Variants in CDH4 observed in about 807,000 individuals in gnomAD.
The protein encoded by CDH4 is cadherin-4.
In CDH4, 33 loss-of-function variants were observed where a neutral mutation model predicts 86.0. The observed-to-expected ratio is 0.38, with a 90% CI of 0.29 to 0.51. CDH4 has a LOEUF of 0.51. Ranked by LOEUF, CDH4 falls within the 20% of genes least tolerant of loss-of-function variation. The probability of loss-of-function intolerance (pLI) is 0.86; values close to 1 mark genes in which losing one functional copy is unlikely to be tolerated. For missense variants in CDH4, 1,114 were observed against 1,307.4 expected (o/e 0.85, Z 2.28); for synonymous variants, 555 against 549.4 (o/e 1.01, Z -0.14).
chr20:61,814,170 G>A (rs1418796), intron 4 of CDH4, among the ~76,000 whole-genome samples: 87,288 of 152,120 alleles, frequency 0.57, 26,647 homozygotes, highest in African/African-American at 0.8. Flanking sequence ...TCTGTGGAAC[G>A]GGGACAGGAA....
chr20:61,787,354 C>A (rs140434398), intron 4 of CDH4, among the ~76,000 whole-genome samples: 1 of 152,110 alleles, frequency 6.6e-6, no homozygotes, highest in Admixed American at 6.5e-5. Flanking sequence ...GCAAATATGC[C>A]CTTCTTCACA....
At chr20:61,414,960 G>C in intron 2 of CDH4, among the ~76,000 whole-genome samples, 1 of 152,244 alleles carries the variant, frequency 6.6e-6, no homozygotes, top group African/African-American at 2.4e-5. Flanking sequence ...GAGGTCAGGA[G>C]GCTGATGGAT....
chr20:61,690,518 G>A (rs2087641769), intron 2 of CDH4, among the ~76,000 whole-genome samples: 1 of 152,122 alleles, frequency 6.6e-6, no homozygotes, highest in Admixed American at 6.5e-5. Context: ...CCAATCGGCT[G>A]CCCACTTAGT....
rs951656205 is a variant in CDH4 at position 61,811,177 on chromosome 20, G to GA, written c.577-33481dup. 3.5e-3 allele frequency among the ~76,000 whole-genome samples: 525 copies of GA among 149,398 alleles called. 2 individuals carry two copies. Among genetic ancestry groups the GA allele is most frequent in the African/African-American group, 0.012 (481 of 40,904 alleles). On this transcript the variant is annotated intron_variant, in intron 4 of 15. Coordinates refer to ENST00000614565, the MANE Select transcript of CDH4 (RefSeq NM_001794.5). This position sits in a 1 kb window ranked among gnomAD's most constrained non-coding sequence, Gnocchi z 4.4. ...AACCAAACATCCCCAAACTCTTAGA[G>GA]AAAAAAAAAATGCAATCCCTGCTGA...
At chr20:61,571,741 T>C in intron 2 of CDH4, among the ~76,000 whole-genome samples, 1 of 148,206 alleles carries the variant, frequency 6.7e-6, no homozygotes, top group East Asian at 2.1e-4. Context: ...CCCCTCCCCT[T>C]CTCACTCTTT....
intron 2 of CDH4, among the ~76,000 whole-genome samples, chr20:61,707,440 G>T (rs958725342): frequency 6.6e-6 from 1 of 152,232 alleles, no homozygotes; most frequent in African/African-American, 2.4e-5. Context: ...AGCCCCACTG[G>T]CTATGTCCTC....
At chr20:61,465,773 G>A (rs913383301) in intron 2 of CDH4, among the ~76,000 whole-genome samples, 7 of 151,880 alleles carry the variant, frequency 4.6e-5, no homozygotes, top group Admixed American at 2.6e-4. Context: ...TTTCAATTTT[G>A]ACCCTATGGA....
At chr20:61,843,097 G>C (rs1024888037) in intron 4 of CDH4, among the ~76,000 whole-genome samples, 7 of 152,164 alleles carry the variant, frequency 4.6e-5, no homozygotes, top group Non-Finnish European at 1.0e-4. Flanking sequence ...AAGGCCGAAT[G>C]CGGTAGTTCA....
chr20:61,603,748 TG>T (rs1424140343), intron 2 of CDH4, among the ~76,000 whole-genome samples: 1 of 152,176 alleles, frequency 6.6e-6, no homozygotes, highest in Non-Finnish European at 1.5e-5. Context: ...ACATTTGAGC[TG>T]GGTCAGGAAG....
At chr20:61,631,203 C>T (rs183423327) in intron 2 of CDH4, among the ~76,000 whole-genome samples, 96 of 152,302 alleles carry the variant, frequency 6.3e-4, no homozygotes, top group Non-Finnish European at 5.7e-4. Context: ...CCTGACTCTC[C>T]CACCGTGATG....
intron 2 of CDH4, among the ~76,000 whole-genome samples, chr20:61,317,501 C>G (rs2084483053): frequency 6.6e-6 from 1 of 152,192 alleles, no homozygotes; most frequent in Non-Finnish European, 1.5e-5. Flanking sequence ...CCCATTGCAT[C>G]TCCCAGCTCA....
At chr20:61,814,805 C>G (rs565539159) in intron 4 of CDH4, among the ~76,000 whole-genome samples, 10 of 152,278 alleles carry the variant, frequency 6.6e-5, no homozygotes, top group African/African-American at 2.2e-4. Context: ...TTCGTGGTAC[C>G]ATGTTGATGC....
Position 61,397,096 on chromosome 20 carries a change from T to C in CDH4, c.169+142159T>C, listed in dbSNP as rs528768540. 1.6e-4 allele frequency among the ~76,000 whole-genome samples: 24 copies of C among 152,190 alleles called. No homozygotes were observed. The South Asian group carries it at 5.0e-3, about 32-fold the overall frequency. On this transcript the variant is annotated intron_variant, in intron 2 of 15. Transcript: ENST00000614565. ...GGCTAATTTTTTGTATTTTTTGTAATACGGGGTTTTGCCGTGTTGCCCAGA... is the reference window on the plus strand; with the variant it reads ...GGCTAATTTTTTGTATTTTTTGTAACACGGGGTTTTGCCGTGTTGCCCAGA...
intron 2 of CDH4, among the ~76,000 whole-genome samples, chr20:61,529,268 C>T (rs950195735): frequency 6.6e-6 from 1 of 152,168 alleles, no homozygotes; most frequent in African/African-American, 2.4e-5. Flanking sequence ...TTTTATATTG[C>T]ATCATTTACA....
chr20:61,792,778 G>A (rs1979271687), intron 4 of CDH4, among the ~76,000 whole-genome samples: 1 of 151,980 alleles, frequency 6.6e-6, no homozygotes, highest in African/African-American at 2.4e-5. Context: ...AACCTTCCGA[G>A]TAGCTGGGAT....
At chr20:61,631,080 G>C (rs1012256111) in intron 2 of CDH4, among the ~76,000 whole-genome samples, 4 of 152,238 alleles carry the variant, frequency 2.6e-5, no homozygotes, top group Admixed American at 2.0e-4. Context: ...GAAGTCCAGA[G>C]GTTCCCAGTG....
At chr20:61,431,102 C>T (rs1489328784) in intron 2 of CDH4, among the ~76,000 whole-genome samples, 3 of 152,286 alleles carry the variant, frequency 2.0e-5, no homozygotes, top group South Asian at 2.1e-4. Flanking sequence ...AGAAACACAG[C>T]GCAGCACGCA....
In CDH4 at chr20:61,252,540, T is replaced by G. The variant is rs78216276; in HGVS notation, c.27T>G (p.Leu9=). 1 of 1,199,430 alleles carries G rather than the reference T, an allele frequency of 8.3e-7. No homozygotes were observed. 74.3% of individuals were successfully genotyped at this position (1,199,430 alleles called of 1,614,324 possible). ...TGACCGCGGGCGCCGGCGTGCTCCT[T>G]CTGCTGCTCTCGCTCTCCGGCGCGC... MTAGAGVL[L]LLLSLSGALR... is the part of the protein sequence containing the mutation. The change falls in exon 1 of 16, where the codon CTT becomes CTG. Residue 9 remains leucine (L), a synonymous_variant. Coordinates refer to ENST00000614565, the MANE Select transcript of CDH4 (RefSeq NM_001794.5). This position sits in a 1 kb window ranked among gnomAD's most constrained non-coding sequence, Gnocchi z 4.4.
At chr20:61,509,781 A>C (rs1429363780) in intron 2 of CDH4, among the ~76,000 whole-genome samples, 2 of 152,152 alleles carry the variant, frequency 1.3e-5, no homozygotes, top group African/African-American at 4.8e-5. Context: ...CTGGGTGTCC[A>C]ATATGACAGT....
Sources: gnomAD v4.1 joint callset for allele counts (sites outside exome capture counted in the v4.1 genomes callset) on GRCh38, gnomAD v4.1.1 for gene constraint, Gnocchi (gnomAD v3.1) non-coding constraint, MANE v1.5 for transcripts, NCBI Gene and HGNC (gene_info 2026-07-23, HGNC 2026-07-21) for gene names.